The following PNPLA1 variants were observed in gnomAD, a reference collection of about 807,000 sequenced individuals.
PNPLA1 encodes omega-hydroxyceramide transacylase.
Under a neutral mutation model 51.7 loss-of-function variants are expected in PNPLA1, and 36 were observed. The observed-to-expected ratio is 0.70, with a 90% CI of 0.53 to 0.92. PNPLA1 has a LOEUF of 0.92. PNPLA1 is among the 40% of genes least tolerant of loss of function. PNPLA1 has a pLI of 0.00. For missense variants in PNPLA1, 658 were observed against 682.5 expected, an observed-to-expected ratio of 0.96 and a Z score of 0.40; for synonymous variants, 293 against 280.1, an observed-to-expected ratio of 1.05 and a Z score of -0.46.
chr6:36,279,889 G>A (rs1271551975), intron 1 of PNPLA1, among the ~76,000 whole-genome samples: 1 of 152,214 alleles, frequency 6.6e-6, no homozygotes, highest in African/African-American at 2.4e-5. Context: ...AGTCAAGAAT[G>A]TCCCAGAGAA....
intron 1 of PNPLA1, among the ~76,000 whole-genome samples, chr6:36,261,389 C>T (rs1018868454): frequency 3.9e-5 from 6 of 152,222 alleles, no homozygotes; most frequent in Non-Finnish European, 7.3e-5. Context: ...GTAAATAAGG[C>T]ACAGAAGTGC....
At position 36,313,821 on chromosome 6, in the gene PNPLA1, GT is replaced by G. The variant is rs1265969503; in HGVS notation, c.*1937del. Among the ~76,000 whole-genome samples the G allele has an allele frequency of 6.6e-6, 1 of 152,236 alleles. No homozygotes were observed. The highest frequency in any genetic ancestry group is 6.5e-5 in the Admixed American group (1 of 15,288). ...TCTCTTGCACAGCCCAGGAATGCTT[GT>G]TCCCTGGGACCCAAGGAAGACTCGA... On this transcript the variant is annotated 3_prime_UTR_variant, in exon 9 of 9. Transcript: ENST00000636260.
Position 36,302,481 on chromosome 6 carries a change from T to C in PNPLA1, c.1384+12T>C, listed in dbSNP as rs1771093944. ...AGAACAGCCCCAAGGTATGGACCCT[T>C]CTGGCTTGTTATGACTTTCTCATGC... On this transcript the variant is annotated intron_variant, in intron 6 of 8. Coordinates refer to ENST00000636260, the MANE Select transcript of PNPLA1 (RefSeq NM_001374623.1). The C allele has an allele frequency of 1.3e-6, 2 of 1,519,088 alleles. No individual in the cohort carries two copies. The highest frequency in any genetic ancestry group is 2.8e-5 in the African/African-American group (2 of 71,874). The allele number at this position is 1,519,088 out of a possible 1,614,324, so 94.1% of individuals were successfully genotyped here. A position where few individuals can be genotyped will look rare whatever the true frequency, so the allele number is the denominator to read the frequency against.
chr6:36,257,189 T>C (rs1439309567), intron 1 of PNPLA1, among the ~76,000 whole-genome samples: 1 of 152,194 alleles, frequency 6.6e-6, no homozygotes, highest in Non-Finnish European at 1.5e-5. Flanking sequence ...CATTTGCTGC[T>C]CCCCAGGTAC....
chr6:36,281,345 C>A (rs1229550485), intron 1 of PNPLA1, among the ~76,000 whole-genome samples: 1 of 152,180 alleles, frequency 6.6e-6, no homozygotes, highest in Non-Finnish European at 1.5e-5. Context: ...AATTAGTTAT[C>A]TGAGATGGAA....
At chr6:36,287,796 C>T (rs1303913571) in intron 1 of PNPLA1, among the ~76,000 whole-genome samples, 1 of 138,420 alleles carries the variant, frequency 7.2e-6, no homozygotes, top group Non-Finnish European at 1.6e-5. Context: ...ACACACACAC[C>T]CCTGGAGAGA....
chr6:36,298,785 C>G (rs546512832), intron 5 of PNPLA1, among the ~76,000 whole-genome samples: 1 of 152,354 alleles, frequency 6.6e-6, no homozygotes, highest in South Asian at 2.1e-4. Context: ...GTTGTCCAGG[C>G]TAGAGTGTGG....
intron 1 of PNPLA1, among the ~76,000 whole-genome samples, chr6:36,247,045 A>G (rs922710474): frequency 5.3e-5 from 8 of 151,800 alleles, no homozygotes; most frequent in Non-Finnish European, 7.4e-5. Context: ...TGGTGGTTTC[A>G]CCATCCACTT....
intron 4 of PNPLA1, among the ~76,000 whole-genome samples, 166 bp from the exon 5 acceptor site, chr6:36,295,198 G>A (rs544940153): frequency 1.3e-5 from 2 of 152,308 alleles, no homozygotes; most frequent in East Asian, 1.9e-4. Context: ...ATTGCTCCTC[G>A]GTTCTTCTTA....
intron 1 of PNPLA1, among the ~76,000 whole-genome samples, chr6:36,263,693 C>T (rs1234736759): frequency 1.3e-5 from 2 of 151,882 alleles, no homozygotes; most frequent in East Asian, 3.9e-4. Flanking sequence ...GCATTTGTGG[C>T]CTCACTGATG....
At position 36,270,575 on chromosome 6, in the gene PNPLA1, C is replaced by A. The variant is rs1407493412; in HGVS notation, c.116C>A (p.Ala39Asp). Residue 39 changes from alanine (A) to aspartate (D), a missense_variant, in exon 1 of 9, where the codon GCC (alanine) becomes GAC (aspartate). Transcript: ENST00000636260. Reference protein sequence around the residue: ...AGAVDALRDLAPRMLETAHRF... With the variant: ...AGAVDALRDLDPRMLETAHRF... Reference sequence around the variant, plus strand: ...GCTGTGGACGCCCTGCGGGACCTGGCCCCCCGGATGCTGGAAACAGCCCAC... The same window carrying A: ...GCTGTGGACGCCCTGCGGGACCTGGACCCCCGGATGCTGGAAACAGCCCAC... 1.3e-6 allele frequency: 2 copies of A among 1,551,604 alleles called. No homozygotes were observed. The highest frequency in any genetic ancestry group is 2.4e-5 in the South Asian group (2 of 84,064).
intron 5 of PNPLA1, among the ~76,000 whole-genome samples, chr6:36,299,603 G>A (rs1332843697): frequency 6.6e-6 from 1 of 152,154 alleles, no homozygotes; most frequent in Non-Finnish European, 1.5e-5. Flanking sequence ...CAAAGTGCTG[G>A]GATTACAGGC....
chr6:36,277,600 G>T (rs988933882), intron 1 of PNPLA1, among the ~76,000 whole-genome samples: 1 of 152,276 alleles, frequency 6.6e-6, no homozygotes, highest in African/African-American at 2.4e-5. Flanking sequence ...GCAGTGGCTC[G>T]TGCCTGTGAG....
intron 1 of PNPLA1, among the ~76,000 whole-genome samples, chr6:36,249,635 G>A (rs988086155): frequency 2.0e-5 from 3 of 152,176 alleles, no homozygotes; most frequent in Middle Eastern, 3.2e-3. Flanking sequence ...TCAGCACCAC[G>A]TAAGTGAAGG....
At chr6:36,287,049 G>C (rs1401206941) in intron 1 of PNPLA1, among the ~76,000 whole-genome samples, 1 of 152,172 alleles carries the variant, frequency 6.6e-6, no homozygotes, top group Admixed American at 6.5e-5. Context: ...CTGGTGAGCT[G>C]ACCACAGTAA....
chr6:36,270,559 G>C lies in PNPLA1; in HGVS notation c.100G>C (p.Ala34Pro), dbSNP rs1182312612. ...CTTCTACCAGGCGGGGGCTGTGGACGCCCTGCGGGACCTGGCCCCCCGGAT... is the reference window on the plus strand; with the variant it reads ...CTTCTACCAGGCGGGGGCTGTGGACCCCCTGCGGGACCTGGCCCCCCGGAT... Reference protein sequence around the residue: ...LSFYQAGAVDALRDLAPRMLE... With the variant: ...LSFYQAGAVDPLRDLAPRMLE... The change falls in exon 1 of 9, where the codon GCC (alanine) becomes CCC (proline). Residue 34 changes from alanine (A) to proline (P), a missense_variant. Transcript: ENST00000636260. The C allele has an allele frequency of 1.3e-6, 2 of 1,551,624 alleles. No homozygotes were observed. The highest frequency in any genetic ancestry group is 1.7e-6 in the Non-Finnish European group (2 of 1,147,004).
In PNPLA1 at chr6:36,270,611, G is replaced by T; in HGVS notation, c.152G>T (p.Gly51Val). Reference protein sequence around the residue: ...RMLETAHRFAGTSAGAVIAAL... With the variant: ...RMLETAHRFAVTSAGAVIAAL... ...CTGGAAACAGCCCACCGCTTTGCGG[G>T]GACATCGGCAGGTGCTGTGATCGCC... Residue 51 changes from glycine to valine, a missense_variant, in exon 1 of 9, where the codon GGG becomes GTG. Gly to Val is a moderately radical substitution (Grantham distance 109). Coordinates refer to ENST00000636260, the MANE Select transcript of PNPLA1 (RefSeq NM_001374623.1). 6.4e-7 allele frequency: 1 copy of T among 1,551,610 alleles called. No homozygotes were observed. The highest frequency in any genetic ancestry group is 8.7e-7 in the Non-Finnish European group (1 of 1,146,998).
intron 3 of PNPLA1, among the ~76,000 whole-genome samples, chr6:36,293,825 T>C (rs1420379654): frequency 6.6e-6 from 1 of 152,186 alleles, no homozygotes; most frequent in Non-Finnish European, 1.5e-5. Context: ...AAGGGGCTTG[T>C]GGGTGAACAG....
intron 8 of PNPLA1, 102 bp downstream of exon 8, chr6:36,307,814 G>T: frequency 7.1e-7 from 1 of 1,416,812 alleles, no homozygotes. Context: ...AGGGAGTAGG[G>T]GGTGCAGTGG....
Sources: allele counts gnomAD v4.1 joint callset (sites outside exome capture counted in the v4.1 genomes callset), GRCh38; gene constraint gnomAD v4.1.1; transcripts MANE v1.5; gene names NCBI Gene and HGNC (gene_info 2026-07-23, HGNC 2026-07-21).